Variants in PLSCR1 observed in about 807,000 individuals in gnomAD.
The protein encoded by PLSCR1 is PL scramblase 1.
In PLSCR1, 17 loss-of-function variants were observed where a neutral mutation model predicts 37.8. That is an observed-to-expected ratio of 0.45 (90% CI 0.31 to 0.68). The LOEUF (loss-of-function observed/expected upper bound fraction) is 0.68, where lower values mean the gene tolerates loss of function less well. PLSCR1 is among the 30% of genes least tolerant of loss of function. The probability of loss-of-function intolerance (pLI) is 0.06; values close to 1 mark genes in which losing one functional copy is unlikely to be tolerated. For synonymous variants in PLSCR1, 116 were observed against 125.9 expected (o/e 0.92, Z 0.53); for missense variants, 347 against 380.9 (o/e 0.91, Z 0.74).
intron 5 of PLSCR1, among the ~76,000 whole-genome samples, chr3:146,523,149 T>C (rs1276391011): frequency 6.6e-6 from 1 of 152,252 alleles, no homozygotes; most frequent in Non-Finnish European, 1.5e-5. Context: ...CTATACTTTG[T>C]CTCTGTGTCT....
Position 146,528,617 on chromosome 3 carries a change from A to C in PLSCR1, c.309T>G (p.Ser103Arg), listed in dbSNP as rs1343061898. Residue 103 changes from serine (S) to arginine (R), a missense_variant, in exon 4 of 9, where the codon AGT becomes AGG. Coordinates refer to ENST00000342435, the MANE Select transcript of PLSCR1 (RefSeq NM_021105.3). Reference protein sequence around the residue: ...LNCPPGLEYLSQIDQILIHQQ... With the variant: ...LNCPPGLEYLRQIDQILIHQQ... ...TATTTTGTGTCTTTGAAATTACCTG[A>C]CTTAAATATTCTAATCCAGGTGGAC... is the stretch of plus-strand genomic sequence containing the variant. 2 of 1,609,008 alleles carry C rather than the reference A, an allele frequency of 1.2e-6. No individual in the cohort carries two copies. The highest frequency in any genetic ancestry group is 1.7e-5 in the Admixed American group (1 of 60,004).
In PLSCR1 at chr3:146,528,785, T is replaced by A. The variant is rs879020838; in HGVS notation, c.141A>T (p.Pro47=). The change falls in exon 4 of 9, where the codon CCA becomes CCT. Residue 47 remains proline, a synonymous_variant. Transcript: ENST00000342435. ...GACCTGAATGGCCGGCTGGTGGGGG[T>A]GGGTAGCTGACCTGGGGCCCAGGGT... ...SGYPGPQVSY[P]PPPAGHSGPG... 1 of 1,613,692 alleles carries A rather than the reference T, an allele frequency of 6.2e-7. No individual in the cohort carries two copies. The highest frequency in any genetic ancestry group is 1.3e-5 in the African/African-American group (1 of 74,836).
intron 3 of PLSCR1, among the ~76,000 whole-genome samples, chr3:146,530,886 G>C (rs1180756275): frequency 4.6e-5 from 7 of 152,170 alleles, no homozygotes. Flanking sequence ...AAATTTTCAG[G>C]AGTGGAAAAG....
chr3:146,525,541 T>C (rs2044095569), intron 5 of PLSCR1, 64 bp downstream of exon 5: 1 of 812,010 alleles, frequency 1.2e-6, no homozygotes, highest in Non-Finnish European at 2.2e-6. Context: ...TGGAGGTCAA[T>C]GTGCCTTTAT....
chr3:146,522,494 A>T (rs1172304346), intron 5 of PLSCR1, among the ~76,000 whole-genome samples: 1 of 152,180 alleles, frequency 6.6e-6, no homozygotes, highest in Non-Finnish European at 1.5e-5. Context: ...TGAAGGCAGC[A>T]TGCTTGTTAA....
chr3:146,536,653 A>C, intron 1 of PLSCR1, 88 bp from the exon 2 acceptor site: 5 of 776,050 alleles, frequency 6.4e-6, no homozygotes, highest in South Asian at 6.0e-5. Flanking sequence ...AAAACTACAC[A>C]GTCACATTCA....
intron 3 of PLSCR1, among the ~76,000 whole-genome samples, chr3:146,532,660 C>G (rs2044214926): frequency 6.6e-6 from 1 of 152,218 alleles, no homozygotes; most frequent in Non-Finnish European, 1.5e-5. Flanking sequence ...TGGGTACATC[C>G]TTCTATCCAA....
intron 3 of PLSCR1, among the ~76,000 whole-genome samples, chr3:146,530,752 A>C (rs2044185988): frequency 1.3e-5 from 2 of 152,238 alleles, no homozygotes; most frequent in Non-Finnish European, 2.9e-5. Flanking sequence ...TAGCAAAGCA[A>C]CAGGAAGCTG....
intron 7 of PLSCR1, among the ~76,000 whole-genome samples, chr3:146,519,793 A>C (rs1397644141): frequency 6.6e-6 from 1 of 152,158 alleles, no homozygotes; most frequent in East Asian, 1.9e-4. Flanking sequence ...AGAGGACACA[A>C]ATCAAGTGTT....
intron 2 of PLSCR1, among the ~76,000 whole-genome samples, chr3:146,533,875 A>G (rs934825837): frequency 4.6e-5 from 7 of 152,210 alleles, no homozygotes; most frequent in Non-Finnish European, 1.0e-4. Flanking sequence ...AAAATTACAT[A>G]CAGACTACGA....
rs2044153443 is a variant in PLSCR1 at position 146,528,720 on chromosome 3, T to C, written c.206A>G (p.Tyr69Cys). The C allele has an allele frequency of 2.5e-6, 4 of 1,612,262 alleles. No individual in the cohort carries two copies. The highest frequency in any genetic ancestry group is 3.4e-6 in the Non-Finnish European group (4 of 1,178,196). The change falls in exon 4 of 9, where the codon TAT becomes TGT. Residue 69 changes from tyrosine (Y) to cysteine (C), a missense_variant. Physicochemically the swap from Tyr to Cys is radical, Grantham distance 194. Transcript: ENST00000342435. ...TGGCTGATTATATACTGGCTGATTA[T>C]ACACTGGCTGATTTGGGACAGGAAA... ...AGFPVPNQPV[Y>C]NQPVYNQPVG...
At chr3:146,516,257 A>G (rs1033671982) in intron 8 of PLSCR1, among the ~76,000 whole-genome samples, 156 bp from the exon 9 acceptor site, 2 of 152,238 alleles carry the variant, frequency 1.3e-5, no homozygotes, top group African/African-American at 2.4e-5. Flanking sequence ...CTATAATTAT[A>G]TAAGTTCTGC....
intron 3 of PLSCR1, among the ~76,000 whole-genome samples, chr3:146,529,246 AT>A (rs1328157897): frequency 6.6e-6 from 1 of 152,166 alleles, no homozygotes; most frequent in African/African-American, 2.4e-5. Context: ...AAAAATGATA[AT>A]TCTGAAATTC....
intron 7 of PLSCR1, among the ~76,000 whole-genome samples, chr3:146,518,743 A>G (rs950277327): frequency 8.5e-5 from 13 of 152,210 alleles, no homozygotes; most frequent in African/African-American, 3.1e-4. Context: ...AGGATAAGAA[A>G]TGCAAATAAT....
Position 146,515,382 on chromosome 3 carries a change from T to C in PLSCR1, c.*663A>G, listed in dbSNP as rs904170020. 11 of 152,248 alleles carry C rather than the reference T, an allele frequency of 7.2e-5. No individual in the cohort carries two copies. The highest frequency in any genetic ancestry group is 2.2e-4 in the African/African-American group (9 of 41,582). 9.4% of individuals were successfully genotyped at this position (152,248 alleles called of 1,614,324 possible). ...TTCAAAAGTTATAATACCAGAGTTT[T>C]AGAGTGAAGGAGTATTTAAAATGTG... is the stretch of plus-strand genomic sequence containing the variant. On this transcript the variant is annotated 3_prime_UTR_variant, in exon 9 of 9. Transcript: ENST00000342435.
chr3:146,534,929 G>A (rs2044246757), intron 2 of PLSCR1, among the ~76,000 whole-genome samples: 1 of 151,930 alleles, frequency 6.6e-6, no homozygotes, highest in South Asian at 2.1e-4. Flanking sequence ...AAACAAATGA[G>A]GACTTTTCCC....
chr3:146,526,200 A>AG (rs2044109218), intron 4 of PLSCR1, among the ~76,000 whole-genome samples: 3 of 148,720 alleles, frequency 2.0e-5, no homozygotes, highest in Admixed American at 6.8e-5. Flanking sequence ...AAAAAAAAAA[A>AG]AAAAGAAAGA....
Position 146,542,027 on chromosome 3 carries a change from A to G in PLSCR1, c.-14+2440T>C, listed in dbSNP as rs111731914. On this transcript the variant is annotated intron_variant, in intron 1 of 8. Transcript: ENST00000342435. ...AGATCACATATATGATGGTGGTCCC[A>G]TAAGATTATTTTTACTGTACCCTTT... Among the ~76,000 whole-genome samples, 942 of 152,316 alleles carry G rather than the reference A, an allele frequency of 6.2e-3. 12 individuals are homozygous for G. Among genetic ancestry groups the G allele is most frequent in the African/African-American group, 0.021 (876 of 41,568 alleles).
intron 3 of PLSCR1, among the ~76,000 whole-genome samples, chr3:146,529,823 C>T (rs890408519): frequency 9.2e-5 from 14 of 152,074 alleles, no homozygotes; most frequent in African/African-American, 3.1e-4. Context: ...GTTTAGTACA[C>T]GTCATTTCTT....
Sources: gnomAD v4.1 joint callset for allele counts (sites outside exome capture counted in the v4.1 genomes callset) on GRCh38, gnomAD v4.1.1 for gene constraint, MANE v1.5 for transcripts, NCBI Gene and HGNC (gene_info 2026-07-23, HGNC 2026-07-21) for gene names.